Variants in CIZ1 observed in about 807,000 individuals in gnomAD.
CIZ1 encodes the protein cip1-interacting zinc finger protein.
A neutral mutation model predicts 118.6 loss-of-function variants in CIZ1; 58 were observed. The ratio of observed to expected loss-of-function variants is 0.49; its 90% CI spans 0.40 to 0.61. The LOEUF is 0.61. CIZ1 is among the 20% of genes least tolerant of loss of function. The probability of loss-of-function intolerance (pLI) is 0.00; values close to 1 mark genes in which losing one functional copy is unlikely to be tolerated. For missense variants in CIZ1, 921 were observed against 1,115.9 expected (o/e 0.83, Z 2.49); for synonymous variants, 448 against 443.4 (o/e 1.01, Z -0.13).
intron 12 of CIZ1, 181 bp from the exon 13 acceptor site, chr9:128,169,700 G>A (rs370756371): frequency 2.0e-6 from 3 of 1,536,336 alleles, no homozygotes; most frequent in Non-Finnish European, 8.7e-7. Context: ...GGTGTGGGTG[G>A]CTGAGAGATA....
At position 128,166,982 on chromosome 9, in the gene CIZ1, C is replaced by T; in HGVS notation, c.2366-102G>A. Reference sequence around the variant, plus strand: ...TGCTCCCCAACCCTCTAGGCAGGGGCAGAAGAGAAGGCTTCCCAGCCAGAA... The same window carrying T: ...TGCTCCCCAACCCTCTAGGCAGGGGTAGAAGAGAAGGCTTCCCAGCCAGAA... On this transcript the variant is annotated intron_variant, in intron 15 of 16. Transcript: ENST00000372938. The surrounding 1 kb of genome is among the most constrained non-coding windows in gnomAD (Gnocchi z 4.4). 6.2e-7 allele frequency: 1 copy of T among 1,600,366 alleles called. No homozygotes were observed. Among genetic ancestry groups the T allele is most frequent in the Non-Finnish European group, 8.5e-7 (1 of 1,170,736 alleles).
intron 10 of CIZ1, among the ~76,000 whole-genome samples, chr9:128,176,707 C>T (rs1386615759): frequency 2.6e-5 from 4 of 152,190 alleles, no homozygotes; most frequent in Admixed American, 6.5e-5. Flanking sequence ...AGACAAGGAG[C>T]GGCCTGATTA....
At chr9:128,196,412 G>T (rs1338224317), upstream of CIZ1, among the ~76,000 whole-genome samples, 1 of 151,968 alleles carries the variant, frequency 6.6e-6, no homozygotes, top group Non-Finnish European at 1.5e-5. Flanking sequence ...GCTGGGCATG[G>T]TGGTGTGTGC....
intron 5 of CIZ1, among the ~76,000 whole-genome samples, chr9:128,183,083 C>T (rs1450058685): frequency 6.6e-6 from 1 of 152,188 alleles, no homozygotes; most frequent in Non-Finnish European, 1.5e-5. Flanking sequence ...AATGAACACA[C>T]AGCTCTCTCT....
chr9:128,200,452 G>C (rs1182365850), intron 1 of CIZ1, among the ~76,000 whole-genome samples: 1 of 151,918 alleles, frequency 6.6e-6, no homozygotes, highest in Non-Finnish European at 1.5e-5. Flanking sequence ...GAGGTCAGGA[G>C]TTTGAGACCA....
Position 128,166,372 on chromosome 9 carries a change from G to C in CIZ1, c.2522C>G (p.Thr841Ser). The C allele has an allele frequency of 6.4e-7, 1 of 1,557,248 alleles. No individual in the cohort carries two copies. ...YKAAKNPSPT[T>S]RPVSRRCAIN... ...TGCGCACCGGCGGCTCACAGGTCGG[G>C]TGGTGGGGCTGGGGTTCTTGGCCGC... The change falls in exon 17 of 17, where the codon ACC (threonine) becomes AGC (serine). Residue 841 changes from threonine (T) to serine (S), a missense_variant. By Grantham distance (58) the Thr-to-Ser change is moderately conservative (BLOSUM62 1). Transcript: ENST00000372938. The surrounding 1 kb of genome is among the most constrained non-coding windows in gnomAD (Gnocchi z 4.4).
At position 128,177,739 on chromosome 9, in the gene CIZ1, T is replaced by G. The variant is rs140500327; in HGVS notation, c.1645A>C (p.Lys549Gln). Residue 549 changes from lysine to glutamine, a missense_variant, in exon 10 of 17, where the codon AAG becomes CAG. By Grantham distance (53) the Lys-to-Gln change is moderately conservative. Coordinates refer to ENST00000372938, the MANE Select transcript of CIZ1 (RefSeq NM_001131016.2). ...PGVWGAGGSLKVTILQSSDSR... is the reference protein window; with the variant it reads ...PGVWGAGGSLQVTILQSSDSR... ...TCACTGCTCTGCAGAATGGTGACCT[T>G]CAGGGAGCCCCCGGCGCCCCATACC... 1.2e-6 allele frequency: 2 copies of G among 1,604,366 alleles called. No homozygotes were observed. The highest frequency in any genetic ancestry group is 2.7e-5 in the African/African-American group (2 of 74,680).
At position 128,199,694 on chromosome 9, in the gene CIZ1, G is replaced by A. The variant is rs139053460; in HGVS notation, c.-6+4492C>T. ...CACTCCAGTCTGGGCAGCTGAGCAA[G>A]GTTTATCTTATCTCTAAAAACAAAC... On this transcript the variant is annotated intron_variant, in intron 1 of 17. Transcript: ENST00000372948. Among the ~76,000 whole-genome samples the A allele has an allele frequency of 5.0e-3, 757 of 151,742 alleles. 17 individuals are homozygous for A. The highest frequency in any genetic ancestry group is 0.017 in the African/African-American group (722 of 41,276).
chr9:128,190,444 C>G lies in CIZ1; in HGVS notation c.171G>C (p.Arg57=). ...PQAPLPMAVS[R]GLPPQQPQQP... is the part of the protein sequence containing the mutation. ...GCTGTGGCTGCTGCGGGGGGAGCCC[C>G]CTGTGTGTTGGGAGGGGGTGTCAGA... The change falls in exon 3 of 17, where the codon CGG becomes CGC. Residue 57 remains arginine (R), a splice_region_variant and synonymous_variant. Coordinates refer to ENST00000372938, the MANE Select transcript of CIZ1 (RefSeq NM_001131016.2). 1 of 1,610,142 alleles carries G rather than the reference C, an allele frequency of 6.2e-7. No individual in the cohort carries two copies. The highest frequency in any genetic ancestry group is 1.1e-5 in the South Asian group (1 of 90,570).
At chr9:128,191,962 G>C (rs750882270), upstream of CIZ1, 9 of 1,373,598 alleles carry the variant, frequency 6.6e-6, no homozygotes, top group South Asian at 1.4e-4. The surrounding 1 kb of genome is among the most constrained non-coding windows in gnomAD (Gnocchi z 5.5). Context: ...CCCAGGCCAG[G>C]CGAGAGGGCG....
intron 14 of CIZ1, among the ~76,000 whole-genome samples, chr9:128,168,240 G>A (rs1391028889): frequency 6.6e-6 from 1 of 152,246 alleles, no homozygotes; most frequent in African/African-American, 2.4e-5. Context: ...ATCTGGCTGG[G>A]CATGGTGGCT....
chr9:128,167,959 G>A (rs1271260440), intron 14 of CIZ1, among the ~76,000 whole-genome samples: 1 of 152,224 alleles, frequency 6.6e-6, no homozygotes, highest in Admixed American at 6.5e-5. Flanking sequence ...TGCCTGAGAT[G>A]ATGTGACTAC....
At chr9:128,183,433 G>T (rs1370779163) in intron 5 of CIZ1, among the ~76,000 whole-genome samples, 1 of 152,168 alleles carries the variant, frequency 6.6e-6, no homozygotes, top group Non-Finnish European at 1.5e-5. Flanking sequence ...GGCTGGAGGC[G>T]GGGCCCCTCG....
chr9:128,195,831 C>CT (rs139436483), upstream of CIZ1, among the ~76,000 whole-genome samples: 258 of 152,178 alleles, frequency 1.7e-3, no homozygotes, highest in African/African-American at 6.0e-3. Flanking sequence ...AGAATTTTGT[C>CT]AAACCTTCCC....
intron 3 of CIZ1, among the ~76,000 whole-genome samples, chr9:128,188,491 G>C (rs989496901): frequency 6.6e-6 from 1 of 151,976 alleles, no homozygotes; most frequent in South Asian, 2.1e-4. Flanking sequence ...TCTTTTGTTT[G>C]TTTTTGAGAA....
chr9:128,191,814 G>C, upstream of CIZ1: 1 of 1,451,644 alleles, frequency 6.9e-7, no homozygotes, highest in East Asian at 2.9e-5. This position sits in a 1 kb window ranked among gnomAD's most constrained non-coding sequence, Gnocchi z 5.5. Flanking sequence ...CAGCCATCCC[G>C]CGGGGCATCG....
intron 3 of CIZ1, among the ~76,000 whole-genome samples, chr9:128,188,812 T>C (rs1263370677): frequency 2.6e-5 from 4 of 151,998 alleles, no homozygotes. Flanking sequence ...TTTTTTTTCT[T>C]TTTTTGAGAC....
intron 7 of CIZ1, 42 bp from the exon 8 acceptor site, chr9:128,179,457 A>T: frequency 2.0e-6 from 3 of 1,525,990 alleles, no homozygotes; most frequent in Non-Finnish European, 2.6e-6. Context: ...GTCTTCAAAG[A>T]GGCCCCAGGG....
chr9:128,168,483 T>C (rs527254315), intron 14 of CIZ1, among the ~76,000 whole-genome samples: 1 of 145,620 alleles, frequency 6.9e-6, no homozygotes, highest in East Asian at 2.0e-4. Context: ...ACCATTGTAC[T>C]CTAGCCTGGG....
Sources: allele counts gnomAD v4.1 joint callset (sites outside exome capture counted in the v4.1 genomes callset), GRCh38; gene constraint gnomAD v4.1.1; non-coding constraint Gnocchi (gnomAD v3.1); transcripts MANE v1.5; gene names NCBI Gene and HGNC (gene_info 2026-07-23, HGNC 2026-07-21).